FBXL17: variants seen among roughly 807,000 people sequenced by gnomAD.
FBXL17 encodes F-box and leucine rich repeat protein 17, also known as F-box/LRR-repeat protein 17.
FBXL17 carries 22 observed loss-of-function variants against 66.2 expected under a neutral mutation model. The ratio of observed to expected loss-of-function variants is 0.33; its 90% CI spans 0.24 to 0.47. The LOEUF (loss-of-function observed/expected upper bound fraction) is 0.47, where lower values mean the gene tolerates loss of function less well. FBXL17 is among the 20% of genes least tolerant of loss of function. FBXL17 has a pLI of 1.00. For missense variants in FBXL17, 878 were observed against 948.2 expected, an observed-to-expected ratio of 0.93 and a Z score of 0.97; for synonymous variants, 474 against 400.5, an observed-to-expected ratio of 1.18 and a Z score of -2.19.
intron 7 of FBXL17, among the ~76,000 whole-genome samples, chr5:107,995,264 T>A (rs1027832658): frequency 6.6e-6 from 1 of 152,242 alleles, no homozygotes; most frequent in Non-Finnish European, 1.5e-5. Context: ...TAAATACATA[T>A]AAAATACAGA....
intron 7 of FBXL17, among the ~76,000 whole-genome samples, chr5:107,965,299 G>C (rs1342618369): frequency 6.6e-6 from 1 of 152,070 alleles, no homozygotes; most frequent in Non-Finnish European, 1.5e-5. Flanking sequence ...TTCTAAAGAG[G>C]TTTAACAACG....
At chr5:108,338,169 C>T (rs1746633745) in intron 4 of FBXL17, among the ~76,000 whole-genome samples, 1 of 145,114 alleles carries the variant, frequency 6.9e-6, no homozygotes, top group African/African-American at 2.6e-5. Context: ...GAAGTTTTAT[C>T]ATGTTCTCAG....
At chr5:108,310,714 T>G (rs1759073514) in intron 4 of FBXL17, among the ~76,000 whole-genome samples, 1 of 152,176 alleles carries the variant, frequency 6.6e-6, no homozygotes, top group Non-Finnish European at 1.5e-5. Flanking sequence ...TGCAGGGCCC[T>G]TCTCTTATTG....
At chr5:107,980,750 G>A (rs930017797) in intron 7 of FBXL17, among the ~76,000 whole-genome samples, 25 of 142,776 alleles carry the variant, frequency 1.8e-4, no homozygotes, top group Admixed American at 4.3e-4. Context: ...TCCGCCTCCC[G>A]GGTTCATGCC....
intron 6 of FBXL17, among the ~76,000 whole-genome samples, chr5:108,149,869 C>CA (rs1221258009): frequency 3.3e-5 from 5 of 152,108 alleles, no homozygotes; most frequent in African/African-American, 1.2e-4. Context: ...CATAAGAGAG[C>CA]AAAAGCTGAC....
chr5:108,260,651 C>T (rs1756775974), intron 4 of FBXL17, among the ~76,000 whole-genome samples: 1 of 152,064 alleles, frequency 6.6e-6, no homozygotes, highest in Admixed American at 6.6e-5. Context: ...GACAACTAAT[C>T]AAGAGATTCT....
intron 4 of FBXL17, among the ~76,000 whole-genome samples, chr5:108,255,160 T>A (rs1756520744): frequency 6.6e-6 from 1 of 152,132 alleles, no homozygotes; most frequent in African/African-American, 2.4e-5. Context: ...TTCAACATAA[T>A]AAAATACATT....
rs1218917110 is a variant in FBXL17, at chr5:108,381,133, C to T, written c.559G>A (p.Ala187Thr). The change falls in exon 1 of 9, where the codon GCC (alanine) becomes ACC (threonine). Residue 187 changes from alanine (A) to threonine (T), a missense_variant. Physicochemically the swap from Ala to Thr is moderately conservative, Grantham distance 58 (BLOSUM62 0). Transcript: ENST00000542267. ...QLFRGPTPSP[A>T]ELPTPPEMVC... ...ATTTCGGGGGGCGTAGGGAGCTCGG[C>T]CGGTGACGGTGTCGGCCCCCGGAAG... is the stretch of plus-strand genomic sequence containing the variant. 3 of 1,377,610 alleles carry T rather than the reference C, an allele frequency of 2.2e-6. No individual in the cohort carries two copies. Among genetic ancestry groups the T allele is most frequent in the East Asian group, 6.1e-5 (2 of 32,542 alleles). The allele number at this position is 1,377,610 out of a possible 1,614,324, so 85.3% of individuals were successfully genotyped here.
chr5:107,874,146 G>T (rs1397803869), intron 8 of FBXL17, among the ~76,000 whole-genome samples: 2 of 151,990 alleles, frequency 1.3e-5, no homozygotes, highest in Non-Finnish European at 2.9e-5. Flanking sequence ...TTCTCTGCAA[G>T]TCTGGCTGTA....
intron 4 of FBXL17, among the ~76,000 whole-genome samples, chr5:108,274,941 T>A (rs926877917): frequency 6.6e-6 from 1 of 152,138 alleles, no homozygotes; most frequent in African/African-American, 2.4e-5. Context: ...ATTATACATA[T>A]AAGGAAACTG....
intron 7 of FBXL17, among the ~76,000 whole-genome samples, chr5:107,924,060 GTTTTTTTTTTTTTTT>G (rs34494908): frequency 1.8e-4 from 19 of 107,578 alleles, no homozygotes; most frequent in Non-Finnish European, 2.6e-4. Flanking sequence ...TGAGCTTAGT[GTTTTTTTTTTTTTTT>G]TTTTTTTTTA....
chr5:108,204,725 G>A (rs189263059), intron 5 of FBXL17, among the ~76,000 whole-genome samples: 7 of 151,948 alleles, frequency 4.6e-5, no homozygotes, highest in East Asian at 1.9e-4. Context: ...ATGTCATTAC[G>A]TATTCTTGAA....
intron 4 of FBXL17, among the ~76,000 whole-genome samples, chr5:108,279,075 A>G (rs1368499929): frequency 6.6e-6 from 1 of 152,142 alleles, no homozygotes; most frequent in Admixed American, 6.5e-5. Flanking sequence ...CATTTCAACC[A>G]CTGCCAACAC....
chr5:108,357,684 G>A (rs1432914636), intron 3 of FBXL17, among the ~76,000 whole-genome samples: 4 of 149,336 alleles, frequency 2.7e-5, no homozygotes, highest in African/African-American at 4.9e-5. Context: ...GGAAAATGAC[G>A]AAAATACTCC....
chr5:108,031,204 G>T (rs1361775448), intron 6 of FBXL17, among the ~76,000 whole-genome samples: 10 of 152,018 alleles, frequency 6.6e-5, no homozygotes, highest in Non-Finnish European at 1.5e-4. Context: ...AAAAAGAAAA[G>T]AAATAATACT....
chr5:108,063,109 G>A (rs73778650), intron 6 of FBXL17, among the ~76,000 whole-genome samples: 2,198 of 152,062 alleles, frequency 0.014, 59 homozygotes, highest in African/African-American at 0.05. Flanking sequence ...TTATACCCAA[G>A]CATGTGTTTT....
At chr5:107,979,737 T>C (rs2112666899) in intron 7 of FBXL17, among the ~76,000 whole-genome samples, 1 of 152,350 alleles carries the variant, frequency 6.6e-6, no homozygotes, top group East Asian at 1.9e-4. Context: ...CTAGGACTTT[T>C]ATTGTTTATT....
chr5:108,128,773 G>C (rs954869915), intron 6 of FBXL17, among the ~76,000 whole-genome samples: 1 of 151,892 alleles, frequency 6.6e-6, no homozygotes, highest in African/African-American at 2.4e-5. Flanking sequence ...AAAGCAACTG[G>C]GAAACACCAG....
intron 3 of FBXL17, among the ~76,000 whole-genome samples, chr5:108,355,349 C>T (rs983472469): frequency 6.6e-6 from 1 of 151,726 alleles, no homozygotes; most frequent in East Asian, 1.9e-4. Context: ...AGCGCAGTGG[C>T]ATGATCTTGG....
Sources: gnomAD v4.1 joint callset for allele counts (sites outside exome capture counted in the v4.1 genomes callset) on GRCh38, gnomAD v4.1.1 for gene constraint, MANE v1.5 for transcripts, NCBI Gene and HGNC (gene_info 2026-07-23, HGNC 2026-07-21) for gene names.